The following GPR19 variants were observed in gnomAD, a reference collection of about 807,000 sequenced individuals.
GPR19 encodes the protein G protein-coupled receptor 19, also known as probable G protein-coupled receptor 19.
GPR19 carries 14 observed loss-of-function variants against 28.5 expected under a neutral mutation model. That is an observed-to-expected ratio of 0.49 (90% CI 0.32 to 0.77). The LOEUF (loss-of-function observed/expected upper bound fraction) is 0.77. Among genes scored for constraint, GPR19 ranks in the 30% least tolerant of loss-of-function variants. The pLI is 0.03. For missense variants in GPR19, 409 were observed against 504.1 expected (o/e 0.81, Z 1.81); for synonymous variants, 173 against 184.1 (o/e 0.94, Z 0.49).
upstream of GPR19, among the ~76,000 whole-genome samples, chr12:12,700,564 A>C (rs1197402153): frequency 6.6e-6 from 1 of 152,170 alleles, no homozygotes; most frequent in Non-Finnish European, 1.5e-5. Context: ...TGGGAAATAT[A>C]GGGTTAGAAG....
intron 3 of GPR19, among the ~76,000 whole-genome samples, chr12:12,682,092 A>G (rs1241534793): frequency 6.6e-6 from 1 of 152,218 alleles, no homozygotes; most frequent in Non-Finnish European, 1.5e-5. Context: ...TTCACTCTCA[A>G]ACTGAATTAA....
At chr12:12,697,152 G>GAAAAAAAAAAAAAAAAA (rs1565413527), upstream of GPR19, among the ~76,000 whole-genome samples, 2 of 5,254 alleles carry the variant, frequency 3.8e-4, no homozygotes, top group Non-Finnish European at 5.8e-4. Context: ...TTGAAGCGAA[G>GAAAAAAAAAAAAAAAAA]TAAAAAAAAA....
rs774198689 is a variant in GPR19 at position 12,661,782 on chromosome 12, AG to A, written c.666del (p.Tyr223ThrfsTer11). The A allele has an allele frequency of 5.6e-6, 9 of 1,614,148 alleles. No individual in the cohort carries two copies. In the Admixed American group the frequency reaches 1.3e-4, roughly 24 times the overall value. On this transcript the variant is annotated frameshift_variant, in exon 4 of 4. Coordinates refer to ENST00000651487, the MANE Select transcript of GPR19 (RefSeq NM_006143.3). LOFTEE classifies it high-confidence loss of function. The surrounding 1 kb of genome is among the most constrained non-coding windows in gnomAD (Gnocchi z 4.2). ...CCCACCAAGAAGTGGATGACAGTGT[AG>A]GCAGTGCCTTCCCAAGAGGAGGGGA... Reference protein sequence around the residue: ...YFLPSSWEGTAYTVIHFLVGF... With the variant: ...YFLPSSWEGTXYTVIHFLVGF...
At chr12:12,670,839 T>A (rs1270559553) in intron 3 of GPR19, among the ~76,000 whole-genome samples, 1 of 151,426 alleles carries the variant, frequency 6.6e-6, no homozygotes, top group Non-Finnish European at 1.5e-5. Context: ...TACAACAATG[T>A]TTTTAAGGGG....
In GPR19 at chr12:12,661,488, T is replaced by C; in HGVS notation, c.961A>G (p.Ser321Gly). 1 of 1,613,500 alleles carries C rather than the reference T, an allele frequency of 6.2e-7. No individual in the cohort carries two copies. Among genetic ancestry groups the C allele is most frequent in the Non-Finnish European group, 8.5e-7 (1 of 1,179,430 alleles). ...VFTAITWISFSSSASKPTLYS... is the reference protein window; with the variant it reads ...VFTAITWISFGSSASKPTLYS... ...AGAGTAGGTTTAGAGGCTGAAGAAC[T>C]AAAGGATATCCATGTGATAGCTGTG... The change falls in exon 4 of 4, where the codon AGT (serine) becomes GGT (glycine). Residue 321 changes from serine (S) to glycine (G), a missense_variant. By Grantham distance (56) the Ser-to-Gly change is moderately conservative. Coordinates refer to ENST00000651487, the MANE Select transcript of GPR19 (RefSeq NM_006143.3). The surrounding 1 kb of genome is among the most constrained non-coding windows in gnomAD (Gnocchi z 4.2).
At chr12:12,689,612 G>T (rs1946153830) in intron 2 of GPR19, among the ~76,000 whole-genome samples, 1 of 152,002 alleles carries the variant, frequency 6.6e-6, no homozygotes, top group African/African-American at 2.4e-5. Context: ...TAACCTAACA[G>T]GTTGTGGTGG....
the GPR19 span, among the ~76,000 whole-genome samples, chr12:12,711,554 C>G: frequency 6.6e-6 from 1 of 152,140 alleles, no homozygotes; most frequent in South Asian, 2.1e-4. Flanking sequence ...CATAAAGCCA[C>G]ACCTAATTGC....
chr12:12,670,110 A>T (rs1945835929), intron 3 of GPR19, among the ~76,000 whole-genome samples: 1 of 152,268 alleles, frequency 6.6e-6, no homozygotes, highest in African/African-American at 2.4e-5. Context: ...TGTGTGGGGT[A>T]ACAGGAAAAT....
the GPR19 span, among the ~76,000 whole-genome samples, chr12:12,715,540 A>C: frequency 6.6e-6 from 1 of 152,194 alleles, no homozygotes; most frequent in Non-Finnish European, 1.5e-5. Flanking sequence ...AATATCAGTG[A>C]CCACAGGCCA....
At chr12:12,700,197 ATT>A (rs1247518682), upstream of GPR19, among the ~76,000 whole-genome samples, 1 of 141,228 alleles carries the variant, frequency 7.1e-6, no homozygotes, top group Non-Finnish European at 1.5e-5. Flanking sequence ...TTTATTTTTT[ATT>A]TTTTTTGAGA....
At chr12:12,665,849 GAAAAC>G (rs1945769356) in intron 3 of GPR19, among the ~76,000 whole-genome samples, 10 of 74,350 alleles carry the variant, frequency 1.3e-4, no homozygotes, top group Non-Finnish European at 2.0e-4. Context: ...AAAAAAAAAA[GAAAAC>G]AAAGATACGT....
At chr12:12,716,869 C>G in the GPR19 span, 17 of 984,508 alleles carry the variant, frequency 1.7e-5, no homozygotes, top group Non-Finnish European at 1.9e-5. Flanking sequence ...AGCAAACGCT[C>G]CGCGGCCTCC....
chr12:12,681,880 T>G (rs1946028828), intron 3 of GPR19, among the ~76,000 whole-genome samples: 1 of 152,238 alleles, frequency 6.6e-6, no homozygotes, highest in South Asian at 2.1e-4. Context: ...GAAAATCTTC[T>G]TCATTCAGGA....
chr12:12,707,292 C>T, the GPR19 span, among the ~76,000 whole-genome samples: 5 of 152,206 alleles, frequency 3.3e-5, no homozygotes, highest in Admixed American at 2.0e-4. Flanking sequence ...CATTACCCTC[C>T]GTACTCTTAA....
the GPR19 span, among the ~76,000 whole-genome samples, chr12:12,707,125 A>G: frequency 1.3e-5 from 2 of 152,002 alleles, no homozygotes; most frequent in Admixed American, 1.3e-4. Flanking sequence ...TTGTCCCTCA[A>G]CTATCCCAGA....
At chr12:12,671,408 C>T (rs1945854129) in intron 3 of GPR19, among the ~76,000 whole-genome samples, 1 of 152,044 alleles carries the variant, frequency 6.6e-6, no homozygotes, top group Non-Finnish European at 1.5e-5. Flanking sequence ...CTCCTGGTGC[C>T]ACAAGCTTAT....
upstream of GPR19, among the ~76,000 whole-genome samples, chr12:12,697,248 A>C (rs1322504208): frequency 6.6e-6 from 1 of 151,600 alleles, no homozygotes; most frequent in African/African-American, 2.4e-5. Flanking sequence ...AAGCCAACAA[A>C]CAAATTTTTG....
Position 12,668,018 on chromosome 12 carries a change from C to G in GPR19, c.-22-5548G>C, listed in dbSNP as rs892447470. ...CTGGGACATTCTTAAATGGGCCTCT[C>G]TCTCTGGGAGAATGTACCTGTGCTT... On this transcript the variant is annotated intron_variant, in intron 3 of 3. Coordinates refer to ENST00000651487, the MANE Select transcript of GPR19 (RefSeq NM_006143.3). 3.3e-5 allele frequency among the ~76,000 whole-genome samples: 5 copies of G among 152,310 alleles called. No homozygotes were observed. In the South Asian group the frequency reaches 1.0e-3, roughly 32 times the overall value.
At chr12:12,677,857 T>C (rs991305217) in intron 3 of GPR19, among the ~76,000 whole-genome samples, 3 of 151,812 alleles carry the variant, frequency 2.0e-5, no homozygotes, top group Non-Finnish European at 4.4e-5. Flanking sequence ...GTGGATCACC[T>C]GAGGTCAGGA....
Sources: gnomAD v4.1 joint callset for allele counts (sites outside exome capture counted in the v4.1 genomes callset) on GRCh38, gnomAD v4.1.1 for gene constraint, Gnocchi (gnomAD v3.1) non-coding constraint, MANE v1.5 for transcripts, NCBI Gene and HGNC (gene_info 2026-07-23, HGNC 2026-07-21) for gene names.